The following RIMS2 variants were observed in gnomAD, a reference collection of about 807,000 sequenced individuals.
RIMS2 encodes the protein regulating synaptic membrane exocytosis protein 2.
Under a neutral mutation model 174.4 loss-of-function variants are expected in RIMS2, and 59 were observed. The ratio of observed to expected loss-of-function variants is 0.34; its 90% CI spans 0.27 to 0.42. The LOEUF (loss-of-function observed/expected upper bound fraction) is 0.42, where lower values mean the gene tolerates loss of function less well. Ranked by LOEUF, RIMS2 falls within the 10% of genes least tolerant of loss-of-function variation. The pLI is 1.00. For missense variants in RIMS2, 1,620 were observed against 1,666.3 expected, an observed-to-expected ratio of 0.97 and a Z score of 0.48; for synonymous variants, 606 against 572.5, an observed-to-expected ratio of 1.06 and a Z score of -0.84.
In RIMS2 at chr8:103,619,570, A is replaced by G. The variant is rs532739280; in HGVS notation, c.177-77516A>G. On this transcript the variant is annotated intron_variant, in intron 1 of 23. Transcript: ENST00000504942. ...AAAATCTTCTGCATTCAAGGTTGGTAAACAGTGGGGAAGAAAAGAAAGAGC... is the reference window on the plus strand; with the variant it reads ...AAAATCTTCTGCATTCAAGGTTGGTGAACAGTGGGGAAGAAAAGAAAGAGC... 4.6e-5 allele frequency among the ~76,000 whole-genome samples: 7 copies of G among 152,274 alleles called. No individual in the cohort carries two copies. In the East Asian group the frequency reaches 1.4e-3, roughly 29 times the overall value.
chr8:103,588,088 A>G (rs1250123623), intron 1 of RIMS2, among the ~76,000 whole-genome samples: 2 of 152,030 alleles, frequency 1.3e-5, no homozygotes, highest in African/African-American at 2.4e-5. Context: ...ATACAAAATC[A>G]GTAGCATTGC....
intron 19 of RIMS2, 62 bp from the exon 23 acceptor site, chr8:104,068,450 G>A: frequency 1.4e-6 from 1 of 732,348 alleles, no homozygotes; most frequent in Non-Finnish European, 2.3e-6. Flanking sequence ...TATACATCCT[G>A]TAAGTCGGAC....
chr8:104,061,832 A>T (rs1282838822), intron 19 of RIMS2, among the ~76,000 whole-genome samples: 1 of 151,830 alleles, frequency 6.6e-6, no homozygotes, highest in Non-Finnish European at 1.5e-5. Flanking sequence ...ACCTTTAGGA[A>T]TTTTTTTCCC....
At chr8:103,609,473 G>GT (rs56718868) in intron 1 of RIMS2, among the ~76,000 whole-genome samples, 57,174 of 151,900 alleles carry the variant, frequency 0.38, 11,081 homozygotes, top group African/African-American at 0.4. Context: ...ATCTTCCAGA[G>GT]TTTTATAGTT....
chr8:103,629,759 A>G (rs2095867737), intron 1 of RIMS2, among the ~76,000 whole-genome samples: 1 of 152,126 alleles, frequency 6.6e-6, no homozygotes, highest in Admixed American at 6.5e-5. Context: ...AATAACCAAA[A>G]CAAAAACCAC....
chr8:103,549,736 C>T (rs1846795917), intron 1 of RIMS2, among the ~76,000 whole-genome samples: 1 of 152,052 alleles, frequency 6.6e-6, no homozygotes, highest in African/African-American at 2.4e-5. Context: ...ATCTCACATG[C>T]ATAGACACAC....
At chr8:103,916,288 G>C (rs1173851097) in intron 7 of RIMS2, 126 bp from the exon 11 acceptor site, 2 of 568,466 alleles carry the variant, frequency 3.5e-6, no homozygotes, top group Non-Finnish European at 5.9e-6. Context: ...GTTGTTCTCA[G>C]TATGTTTCGT....
intron 19 of RIMS2, among the ~76,000 whole-genome samples, chr8:104,047,018 T>C (rs1317128261): frequency 6.6e-6 from 1 of 152,056 alleles, no homozygotes; most frequent in African/African-American, 2.4e-5. Context: ...ACAGCTTCTA[T>C]TGATAAAGTA....
intron 19 of RIMS2, among the ~76,000 whole-genome samples, chr8:104,128,731 G>A (rs564779971): frequency 2.8e-4 from 43 of 152,090 alleles, no homozygotes; most frequent in Admixed American, 2.4e-3. Flanking sequence ...TATCTCTTAC[G>A]TAACAAAATA....
At chr8:103,609,488 G>A (rs551026477) in intron 1 of RIMS2, among the ~76,000 whole-genome samples, 1 of 152,242 alleles carries the variant, frequency 6.6e-6, no homozygotes, top group South Asian at 2.1e-4. Flanking sequence ...ATAGTTTCAG[G>A]CTTTACATTT....
chr8:103,998,309 T>C lies in RIMS2; in HGVS notation c.3044+8888T>C. The C allele has an allele frequency of 6.2e-6, 7 of 1,134,694 alleles. No homozygotes were observed. The Admixed American group carries it at 7.5e-5, about 12-fold the overall frequency. The allele number at this position is 1,134,694 out of a possible 1,614,324, so 70.3% of individuals were successfully genotyped here. On this transcript the variant is annotated intron_variant, in intron 17 of 23. Transcript: ENST00000504942. The stretch of plus-strand genomic sequence containing the variant: ...AATTGCTTGTGCCTGTGTATTGATA[T>C]GATATAGTTCACTTTTATTTCTGTT...
At chr8:104,070,590 T>C (rs1371812438) in intron 19 of RIMS2, among the ~76,000 whole-genome samples, 2 of 152,196 alleles carry the variant, frequency 1.3e-5, no homozygotes, top group African/African-American at 2.4e-5. Context: ...ACCTGACCTT[T>C]TGTGGTTTTT....
At chr8:103,537,143 CGT>C (rs993508041) in intron 1 of RIMS2, among the ~76,000 whole-genome samples, 2 of 152,056 alleles carry the variant, frequency 1.3e-5, no homozygotes, top group East Asian at 1.9e-4. Flanking sequence ...ACTTATTTTG[CGT>C]GTGTGTGAGG....
chr8:103,758,668 T>C lies in RIMS2; in HGVS notation c.388-7559T>C, dbSNP rs536689599. The stretch of plus-strand genomic sequence containing the variant: ...TTAGCTCTGCTAATTTCCTTTCATT[T>C]CTTTTTTACTTTTATTTATTCATTT... On this transcript the variant is annotated intron_variant, in intron 2 of 23. Transcript: ENST00000504942. Among the ~76,000 whole-genome samples, 15 of 152,334 alleles carry C rather than the reference T, an allele frequency of 9.8e-5. No homozygotes were observed. In the South Asian group the frequency reaches 3.1e-3, roughly 32 times the overall value.
intron 1 of RIMS2, among the ~76,000 whole-genome samples, chr8:103,515,405 A>T (rs1828513325): frequency 6.6e-6 from 1 of 152,174 alleles, no homozygotes; most frequent in Non-Finnish European, 1.5e-5. Context: ...TGAAGTCAAT[A>T]ACTACCTTTC....
intron 19 of RIMS2, among the ~76,000 whole-genome samples, chr8:104,146,842 A>G (rs1000910285): frequency 3.9e-5 from 6 of 152,206 alleles, no homozygotes; most frequent in African/African-American, 1.4e-4. Flanking sequence ...GACTACAGGC[A>G]TGTGCCACCA....
At chr8:103,537,822 G>A (rs1370058965) in intron 1 of RIMS2, among the ~76,000 whole-genome samples, 1 of 152,046 alleles carries the variant, frequency 6.6e-6, no homozygotes, top group East Asian at 1.9e-4. Flanking sequence ...GGGGAAAATG[G>A]AAAGGTTAGT....
chr8:103,746,302 A>G (rs1185315497), intron 2 of RIMS2, among the ~76,000 whole-genome samples: 2 of 151,754 alleles, frequency 1.3e-5, no homozygotes, highest in African/African-American at 4.9e-5. Context: ...CTTGACCTGT[A>G]TGTCTATCCT....
intron 15 of RIMS2, among the ~76,000 whole-genome samples, chr8:103,967,303 G>A (rs908489663): frequency 2.1e-5 from 3 of 145,498 alleles, no homozygotes; most frequent in Middle Eastern, 3.6e-3. Context: ...TGATTCTTCT[G>A]CCTCAGCCTC....
Sources: allele counts gnomAD v4.1 joint callset (sites outside exome capture counted in the v4.1 genomes callset), GRCh38; gene constraint gnomAD v4.1.1; transcripts MANE v1.5; gene names NCBI Gene and HGNC (gene_info 2026-07-23, HGNC 2026-07-21).